Variants in SLC10A6 observed in about 807,000 individuals in gnomAD.
SLC10A6 encodes the protein sodium-dependent organic anion transporter.
A neutral mutation model predicts 30.0 loss-of-function variants in SLC10A6; 27 were observed. The ratio of observed to expected loss-of-function variants is 0.90; its 90% CI spans 0.66 to 1.24. The LOEUF (loss-of-function observed/expected upper bound fraction) is 1.24, where lower values mean the gene tolerates loss of function less well. SLC10A6 is among the 50% of genes most tolerant of loss of function. The pLI, the probability that SLC10A6 is intolerant of heterozygous loss-of-function variation, is 0.00. For synonymous variants in SLC10A6, 166 were observed against 173.8 expected, an observed-to-expected ratio of 0.95 and a Z score of 0.36; for missense variants, 439 against 457.0, an observed-to-expected ratio of 0.96 and a Z score of 0.36.
At chr4:86,830,403 CTTAA>C (rs562286024) in intron 3 of SLC10A6, among the ~76,000 whole-genome samples, 30 of 152,220 alleles carry the variant, frequency 2.0e-4, no homozygotes, top group African/African-American at 6.3e-4. Context: ...ATCTCAAAAA[CTTAA>C]TTAATTTTTA....
chr4:86,823,472 G>A lies in SLC10A6; in HGVS notation c.*216C>T, dbSNP rs530944796. The A allele has an allele frequency of 1.3e-5, 6 of 476,870 alleles. No homozygotes were observed. Among genetic ancestry groups the A allele is most frequent in the Non-Finnish European group, 2.2e-5 (6 of 272,368 alleles). The allele number at this position is 476,870 out of a possible 1,614,324, so 29.5% of individuals were successfully genotyped here. ...ACAAGAACATACAAGGCAGCTCATT[G>A]ATACGTTATGTTAACCCCCAGAAGA... On this transcript the variant is annotated 3_prime_UTR_variant, in exon 6 of 6. Transcript: ENST00000273905.
chr4:86,825,677 G>A (rs1745983148), intron 4 of SLC10A6, 100 bp from the exon 5 acceptor site: 2 of 1,249,570 alleles, frequency 1.6e-6, no homozygotes, highest in African/African-American at 3.0e-5. Context: ...ATGACCTCAG[G>A]CCACTGAAAA....
At chr4:86,835,871 A>G (rs950090404) in intron 1 of SLC10A6, among the ~76,000 whole-genome samples, 2 of 152,194 alleles carry the variant, frequency 1.3e-5, no homozygotes, top group African/African-American at 2.4e-5. Flanking sequence ...TGATATACAA[A>G]AAAGCTGAGT....
chr4:86,825,892 G>A (rs1745985973), intron 4 of SLC10A6, among the ~76,000 whole-genome samples: 1 of 152,208 alleles, frequency 6.6e-6, no homozygotes, highest in East Asian at 1.9e-4. Context: ...ATGGCAGAAG[G>A]GGTGAGAGAA....
intron 5 of SLC10A6, among the ~76,000 whole-genome samples, chr4:86,824,158 T>TATTCATTC (rs70953605): frequency 0.037 from 5,645 of 152,030 alleles, 156 homozygotes; most frequent in Non-Finnish European, 0.052. Flanking sequence ...CACACTCATA[T>TATTCATTC]ATTCATTCAT....
intron 1 of SLC10A6, among the ~76,000 whole-genome samples, chr4:86,840,495 C>T (rs1277283805): frequency 6.6e-6 from 1 of 151,898 alleles, no homozygotes; most frequent in Non-Finnish European, 1.5e-5. Context: ...TACCCTGATC[C>T]GAGGGCATTC....
chr4:86,837,298 G>GAAAGAAAGAAA (rs1560460409), intron 1 of SLC10A6, among the ~76,000 whole-genome samples: 2 of 89,286 alleles, frequency 2.2e-5, no homozygotes, highest in African/African-American at 1.1e-4. Context: ...AGAAAGGAAG[G>GAAAGAAAGAAA]AAGGAAGGAA....
intron 1 of SLC10A6, among the ~76,000 whole-genome samples, chr4:86,846,653 GA>G (rs1007994980): frequency 6.6e-6 from 1 of 152,158 alleles, no homozygotes; most frequent in Non-Finnish European, 1.5e-5. Flanking sequence ...TTGAACCCAG[GA>G]GGTGGAGGTT....
Position 86,825,701 on chromosome 4 carries a change from C to A in SLC10A6, c.762-124G>T. 2.8e-6 allele frequency: 3 copies of A among 1,055,572 alleles called. No homozygotes were observed. In the East Asian group the frequency reaches 7.9e-5, roughly 28 times the overall value. The allele number at this position is 1,055,572 out of a possible 1,614,324, so 65.4% of individuals were successfully genotyped here. ...GGCCACTGAAAATGTGTACTCATTCCATAGTTATTTGCTGAGTGCCTATTC... is the reference window on the plus strand; with the variant it reads ...GGCCACTGAAAATGTGTACTCATTCAATAGTTATTTGCTGAGTGCCTATTC... On this transcript the variant is annotated intron_variant, in intron 4 of 5. Coordinates refer to ENST00000273905, the MANE Select transcript of SLC10A6 (RefSeq NM_197965.3).
intron 1 of SLC10A6, among the ~76,000 whole-genome samples, chr4:86,844,654 G>A (rs73838351): frequency 0.11 from 16,853 of 152,216 alleles, 2,689 homozygotes; most frequent in African/African-American, 0.35. Flanking sequence ...ACTAGAAAAT[G>A]AGAGATCATG....
rs375438361 is a variant in SLC10A6 at position 86,837,279 on chromosome 4, GAA to G, written c.378-3857_378-3856del. 3.0e-3 allele frequency among the ~76,000 whole-genome samples: 303 copies of G among 100,832 alleles called. 7 individuals carry two copies. Among genetic ancestry groups the G allele is most frequent in the Non-Finnish European group, 4.1e-3 (207 of 50,114 alleles). The allele number at this position is 100,832 out of a possible 152,430, so 66.1% of individuals were successfully genotyped here. A position where few individuals can be genotyped will look rare whatever the true frequency, so the allele number is the denominator to read the frequency against. On this transcript the variant is annotated intron_variant, in intron 1 of 5. Coordinates refer to ENST00000273905, the MANE Select transcript of SLC10A6 (RefSeq NM_197965.3). ...AGAAAGAAAGAAAGAAAGAAAGAAA[GAA>G]AGAAAAAGAAAGGAAGGAAGGAAGG...
chr4:86,848,787 G>A lies in SLC10A6; in HGVS notation c.329C>T (p.Thr110Ile), dbSNP rs961830435. Residue 110 changes from threonine (T) to isoleucine (I), a missense_variant, in exon 1 of 6, where the codon ACC (threonine) becomes ATC (isoleucine). Physicochemically the swap from Thr to Ile is moderately conservative, Grantham distance 89. Coordinates refer to ENST00000273905, the MANE Select transcript of SLC10A6 (RefSeq NM_197965.3). ...VLIMGCCPGG[T>I]ISNIFTFWVD... Reference sequence around the variant, plus strand: ...CCAGAAGGTGAAAATGTTAGAGATGGTGCCCCCCGGGCAGCAGCCCATGAT... The same window carrying A: ...CCAGAAGGTGAAAATGTTAGAGATGATGCCCCCCGGGCAGCAGCCCATGAT... 6.2e-7 allele frequency: 1 copy of A among 1,610,882 alleles called. No homozygotes were observed. The highest frequency in any genetic ancestry group is 8.5e-7 in the Non-Finnish European group (1 of 1,178,770).
chr4:86,843,383 G>A (rs1478010666), intron 1 of SLC10A6, among the ~76,000 whole-genome samples: 1 of 152,222 alleles, frequency 6.6e-6, no homozygotes, highest in Non-Finnish European at 1.5e-5. Flanking sequence ...ATAAGGAAGA[G>A]TTACATAATT....
At chr4:86,825,841 A>G (rs1745985228) in intron 4 of SLC10A6, among the ~76,000 whole-genome samples, 1 of 152,264 alleles carries the variant, frequency 6.6e-6, no homozygotes, top group Non-Finnish European at 1.5e-5. Context: ...AACACAAGAC[A>G]AAGTATGGCC....
rs772555798 is a variant in SLC10A6, at chr4:86,849,086, G to A, written c.30C>T (p.Ala10=). Residue 10 remains alanine (A), a synonymous_variant, in exon 1 of 6, where the codon GCC becomes GCT. Coordinates refer to ENST00000273905, the MANE Select transcript of SLC10A6 (RefSeq NM_197965.3). ...CCTCCTCTGAACTGTTGGCAGGGCA[G>A]GCTGAGCTGCTGGAACAATTGGCTC... MRANCSSSS[A]CPANSSEEEL... 2 of 1,613,870 alleles carry A rather than the reference G, an allele frequency of 1.2e-6. No individual in the cohort carries two copies. Among genetic ancestry groups the A allele is most frequent in the South Asian group, 2.2e-5 (2 of 91,014 alleles).
At chr4:86,842,791 T>TTTCTTTCTTTCTTTCTTTCC (rs1746314105) in intron 1 of SLC10A6, among the ~76,000 whole-genome samples, 1 of 3,218 alleles carries the variant, frequency 3.1e-4, no homozygotes, top group Admixed American at 3.4e-3. Flanking sequence ...ACCTCTTTTC[T>TTTCTTTCTTTCTTTCTTTCC]TTCTTTCTTT....
At position 86,848,903 on chromosome 4, in the gene SLC10A6, T is replaced by A; in HGVS notation, c.213A>T (p.Gly71=). Residue 71 remains glycine (G), a synonymous_variant, in exon 1 of 6, where the codon GGA becomes GGT. Transcript: ENST00000273905. ...HIRRPWGIAV[G]LLCQFGLMPF... ...GCATGAGCCCAAACTGGCAGAGCAG[T>A]CCCACAGCAATGCCCCAGGGTCTCC... The A allele has an allele frequency of 6.2e-7, 1 of 1,614,160 alleles. No individual in the cohort carries two copies. Among genetic ancestry groups the A allele is most frequent in the Non-Finnish European group, 8.5e-7 (1 of 1,180,030 alleles).
intron 1 of SLC10A6, among the ~76,000 whole-genome samples, chr4:86,840,670 T>C (rs971672649): frequency 2.0e-5 from 3 of 152,230 alleles, no homozygotes; most frequent in Non-Finnish European, 4.4e-5. Context: ...TCCACTATAC[T>C]GAAGTGTCAC....
At chr4:86,837,343 A>AAGGAAGGC (rs58692864) in intron 1 of SLC10A6, among the ~76,000 whole-genome samples, 2,148 of 102,426 alleles carry the variant, frequency 0.021, 169 homozygotes, top group Non-Finnish European at 0.029. Flanking sequence ...GGAAGGAAGG[A>AAGGAAGGC]AGGCAGGCAG....
Sources: gnomAD v4.1 joint callset for allele counts (sites outside exome capture counted in the v4.1 genomes callset) on GRCh38, gnomAD v4.1.1 for gene constraint, MANE v1.5 for transcripts, NCBI Gene and HGNC (gene_info 2026-07-23, HGNC 2026-07-21) for gene names.